The following JUP variants were observed in gnomAD, a reference collection of about 807,000 sequenced individuals.
The protein encoded by JUP is catenin (cadherin-associated protein), gamma 80kDa.
Under a neutral mutation model 71.1 loss-of-function variants are expected in JUP, and 28 were observed. The ratio of observed to expected loss-of-function variants is 0.39; its 90% CI spans 0.29 to 0.54. JUP has a LOEUF of 0.54. JUP is among the 20% of genes least tolerant of loss of function. The pLI, the probability that JUP is intolerant of heterozygous loss-of-function variation, is 0.62. For missense variants in JUP, 869 were observed against 1,030.1 expected (o/e 0.84, Z 2.14); for synonymous variants, 401 against 438.9 (o/e 0.91, Z 1.08).
chr17:41,776,400 A>T (rs1054241523), intron 1 of JUP, among the ~76,000 whole-genome samples: 12 of 152,226 alleles, frequency 7.9e-5, no homozygotes, highest in Non-Finnish European at 1.3e-4. Flanking sequence ...TTCTCATGCT[A>T]GAAGAACAAA....
At position 41,755,623 on chromosome 17, in the gene JUP, A is replaced by T; in HGVS notation, c.*121T>A. 1 of 1,012,610 alleles carries T rather than the reference A, an allele frequency of 9.9e-7. No homozygotes were observed. Among genetic ancestry groups the T allele is most frequent in the Non-Finnish European group, 1.4e-6 (1 of 716,720 alleles). 62.7% of individuals were successfully genotyped at this position (1,012,610 alleles called of 1,614,324 possible). Reference sequence around the variant, plus strand: ...CCGTGCTTGGGGAAGCTCAGCAGCAAAGGATCCCCCCAAAAAAGGAGCGCA... The same window carrying T: ...CCGTGCTTGGGGAAGCTCAGCAGCATAGGATCCCCCCAAAAAAGGAGCGCA... On this transcript the variant is annotated 3_prime_UTR_variant, in exon 14 of 14. Coordinates refer to ENST00000393931, the MANE Select transcript of JUP (RefSeq NM_002230.4).
In JUP at chr17:41,769,629, C is replaced by G. The variant is rs782341732; in HGVS notation, c.257G>C (p.Arg86Pro). Reference sequence around the variant, plus strand: ...TGACACACCAGGGCACATGGCCTCCCGCACCCGTTTGGCCCTGGCTGTTGT... The same window carrying G: ...TGACACACCAGGGCACATGGCCTCCGGCACCCGTTTGGCCCTGGCTGTTGT... ...MSTTARAKRV[R>P]EAMCPGVSGE... The change falls in exon 3 of 14, where the codon CGG becomes CCG. Residue 86 changes from arginine (R) to proline (P), a missense_variant. Arg to Pro is a moderately radical substitution (Grantham distance 103). Coordinates refer to ENST00000393931, the MANE Select transcript of JUP (RefSeq NM_002230.4). 1 of 1,606,240 alleles carries G rather than the reference C, an allele frequency of 6.2e-7. No homozygotes were observed. The highest frequency in any genetic ancestry group is 8.5e-7 in the Non-Finnish European group (1 of 1,177,248).
chr17:41,782,599 C>G (rs569937201), intron 1 of JUP, among the ~76,000 whole-genome samples: 4 of 152,266 alleles, frequency 2.6e-5, no homozygotes, highest in African/African-American at 9.6e-5. Flanking sequence ...TCAACCTCCC[C>G]CCAACACTCA....
At chr17:41,777,828 G>T (rs1555609188) in intron 1 of JUP, among the ~76,000 whole-genome samples, 1 of 152,214 alleles carries the variant, frequency 6.6e-6, no homozygotes, top group Admixed American at 6.5e-5. Context: ...GAGGGAATTT[G>T]CCACGGCCAA....
intron 1 of JUP, among the ~76,000 whole-genome samples, chr17:41,783,868 T>C (rs1472748028): frequency 8.5e-6 from 1 of 118,184 alleles, no homozygotes; most frequent in Non-Finnish European, 1.6e-5. Context: ...GCAGTGAGCC[T>C]GGGTGACAGA....
At chr17:41,756,858 C>A (rs1308594456) in intron 12 of JUP, among the ~76,000 whole-genome samples, 1 of 152,132 alleles carries the variant, frequency 6.6e-6, no homozygotes, top group Non-Finnish European at 1.5e-5. Flanking sequence ...CAAGATCACA[C>A]CACTGCACTC....
At chr17:41,775,699 C>T (rs565478743) in intron 1 of JUP, among the ~76,000 whole-genome samples, 54 of 152,190 alleles carry the variant, frequency 3.5e-4, no homozygotes, top group Non-Finnish European at 6.5e-4. Context: ...GTTAGCAGCA[C>T]GGGAGGAAGA....
At chr17:41,768,837 AC>A in intron 4 of JUP, 131 bp downstream of exon 4, 1 of 756,666 alleles carries the variant, frequency 1.3e-6, no homozygotes. Context: ...GCCACCGAGC[AC>A]CCGGATGGGG....
chr17:41,785,652 G>A (rs1555611569), intron 1 of JUP, among the ~76,000 whole-genome samples: 1 of 152,240 alleles, frequency 6.6e-6, no homozygotes, highest in Admixed American at 6.5e-5. Flanking sequence ...CCCAGATAAA[G>A]CTGCTGTGAA....
chr17:41,776,110 G>T, intron 1 of JUP: 2 of 349,106 alleles, frequency 5.7e-6, no homozygotes, highest in Non-Finnish European at 8.1e-6. Context: ...CAGAGGCCGT[G>T]CTGGAAGCAG....
chr17:41,771,804 C>T lies in JUP; in HGVS notation c.51G>A (p.Gln17=), dbSNP rs782236888. The change falls in exon 2 of 14, where the codon CAG becomes CAA. Residue 17 remains glutamine (Q), a synonymous_variant. Coordinates refer to ENST00000393931, the MANE Select transcript of JUP (RefSeq NM_002230.4). Reference sequence around the variant, plus strand: ...TACCCGAGTCGTAGGTGTATGTCTGCTGCCACTCAGTCACCTTGATAGGCT... The same window carrying T: ...TACCCGAGTCGTAGGTGTATGTCTGTTGCCACTCAGTCACCTTGATAGGCT... ...MEQPIKVTEW[Q]QTYTYDSGIH... is the part of the protein sequence containing the mutation. 5 of 1,613,990 alleles carry T rather than the reference C, an allele frequency of 3.1e-6. No homozygotes were observed. The Admixed American group carries it at 8.3e-5, about 27-fold the overall frequency.
At chr17:41,764,018 C>T (rs1429562491) in intron 7 of JUP, among the ~76,000 whole-genome samples, 1 of 152,202 alleles carries the variant, frequency 6.6e-6, no homozygotes, top group Non-Finnish European at 1.5e-5. Context: ...GTCCCACACT[C>T]TAACCCCAGG....
chr17:41,783,548 C>A (rs1034165495), intron 1 of JUP, among the ~76,000 whole-genome samples: 3 of 152,072 alleles, frequency 2.0e-5, no homozygotes, highest in Non-Finnish European at 4.4e-5. Flanking sequence ...CCTTCTGGGC[C>A]TCCTAACGTG....
In JUP at chr17:41,764,962, A is replaced by G; in HGVS notation, c.1015T>C (p.Ser339Pro). 1 of 1,614,194 alleles carries G rather than the reference A, an allele frequency of 6.2e-7. No homozygotes were observed. The highest frequency in any genetic ancestry group is 8.5e-7 in the Non-Finnish European group (1 of 1,180,050). Residue 339 changes from serine (S) to proline (P), a missense_variant, in exon 6 of 14, where the codon TCC becomes CCC. Physicochemically the swap from Ser to Pro is moderately conservative, Grantham distance 74. Transcript: ENST00000393931. The stretch of plus-strand genomic sequence containing the variant: ...GCAGGCTTATTGCTGGGACACACGG[A>G]TAGCACCTTGAGCACACGACTGGTG... The part of the protein sequence containing the change: ...WTTSRVLKVL[S>P]VCPSNKPAIV...
rs782392706 is a variant in JUP at position 41,769,480 on chromosome 17, C to G, written c.406G>C (p.Asp136His). Residue 136 changes from aspartate (D) to histidine (H), a missense_variant, in exon 3 of 14, where the codon GAT becomes CAT. Asp to His is a moderately conservative substitution (Grantham distance 81). Transcript: ENST00000393931. ...AGGGCGCGAGTGGCCAGCTCGGCATCGTCCTGGTAGTTGATGAGATGCACA... is the reference window on the plus strand; with the variant it reads ...AGGGCGCGAGTGGCCAGCTCGGCATGGTCCTGGTAGTTGATGAGATGCACA... ...AIVHLINYQDDAELATRALPE... is the reference protein window; with the variant it reads ...AIVHLINYQDHAELATRALPE... 4 of 1,613,068 alleles carry G rather than the reference C, an allele frequency of 2.5e-6. No individual in the cohort carries two copies. The highest frequency in any genetic ancestry group is 2.5e-6 in the Non-Finnish European group (3 of 1,179,722).
At chr17:41,784,967 C>G (rs115193036) in intron 1 of JUP, 1 of 150,774 alleles carries the variant, frequency 6.6e-6, no homozygotes, top group African/African-American at 2.5e-5. Flanking sequence ...ATCCCCAATT[C>G]TGGGTGGGGG....
chr17:41,766,188 G>A (rs1326816176), intron 5 of JUP, among the ~76,000 whole-genome samples: 1 of 151,960 alleles, frequency 6.6e-6, no homozygotes, highest in Non-Finnish European at 1.5e-5. Flanking sequence ...GGAGTTTGAG[G>A]ATGCAGTGAG....
intron 11 of JUP, 34 bp from the exon 12 acceptor site, chr17:41,757,570 C>T (rs782032669): frequency 1.1e-5 from 18 of 1,614,020 alleles, no homozygotes; most frequent in Admixed American, 6.7e-5. Flanking sequence ...CCAGGTTAAA[C>T]GTCGGCCAGC....
At chr17:41,765,392 C>T (rs1258616436) in intron 5 of JUP, among the ~76,000 whole-genome samples, 1 of 151,342 alleles carries the variant, frequency 6.6e-6, no homozygotes, top group East Asian at 1.9e-4. Context: ...CGCTCTGTCA[C>T]CCAGGCTGGA....
Sources: gnomAD v4.1 joint callset for allele counts (sites outside exome capture counted in the v4.1 genomes callset) on GRCh38, gnomAD v4.1.1 for gene constraint, MANE v1.5 for transcripts, NCBI Gene and HGNC (gene_info 2026-07-23, HGNC 2026-07-21) for gene names.